Variants in MEIKIN observed in about 807,000 individuals in gnomAD.
MEIKIN encodes the protein meiosis-specific kinetochore protein.
chr5:131,872,496 T>A (rs189149697), intron 9 of MEIKIN, among the ~76,000 whole-genome samples: 1 of 152,204 alleles, frequency 6.6e-6, no homozygotes, highest in Non-Finnish European at 1.5e-5. Flanking sequence ...TATGTGACTA[T>A]GTGAAAAGAC....
chr5:131,903,932 G>A (rs1214332363), intron 8 of MEIKIN, among the ~76,000 whole-genome samples: 1 of 148,858 alleles, frequency 6.7e-6, no homozygotes, highest in Admixed American at 6.7e-5. Context: ...CAAAGTAAAG[G>A]GATGAAAAAA....
intron 11 of MEIKIN, among the ~76,000 whole-genome samples, chr5:131,840,308 C>T (rs1002938114): frequency 6.6e-6 from 1 of 152,092 alleles, no homozygotes; most frequent in Admixed American, 6.5e-5. Context: ...TCTTTCATTT[C>T]AACCTTGGAG....
At chr5:131,930,411 C>T (rs147800977) in intron 5 of MEIKIN, among the ~76,000 whole-genome samples, 125 of 152,236 alleles carry the variant, frequency 8.2e-4, no homozygotes, top group Non-Finnish European at 1.4e-3. Context: ...GCATAGTTTG[C>T]AAATATTTTC....
intron 8 of MEIKIN, among the ~76,000 whole-genome samples, chr5:131,893,679 C>T (rs559601420): frequency 2.6e-5 from 4 of 152,242 alleles, no homozygotes; most frequent in Non-Finnish European, 5.9e-5. Flanking sequence ...TCTTCTGCGT[C>T]GCTCATGCTG....
rs376213309 is a variant in MEIKIN at position 131,876,432 on chromosome 5, A to G, written c.774+2546T>C. Among the ~76,000 whole-genome samples, 1,131 of 148,254 alleles carry G rather than the reference A, an allele frequency of 7.6e-3. 16 individuals are homozygous for G. The highest frequency in any genetic ancestry group is 0.027 in the African/African-American group (1,033 of 38,130). ...ACTGGTCATCAGAGAAATGCAAATC[A>G]AAACCACAATGAGATACCATCTCAC... On this transcript the variant is annotated intron_variant, in intron 9 of 12. Coordinates refer to ENST00000442687, the MANE Select transcript of MEIKIN (RefSeq NM_001303622.2).
At chr5:131,836,424 T>C (rs572323817) in intron 11 of MEIKIN, among the ~76,000 whole-genome samples, 1 of 152,338 alleles carries the variant, frequency 6.6e-6, no homozygotes, top group African/African-American at 2.4e-5. Flanking sequence ...ATAATGAAAT[T>C]GCTGGGTCGA....
chr5:131,847,151 A>G (rs189194703), intron 11 of MEIKIN, among the ~76,000 whole-genome samples: 1 of 152,310 alleles, frequency 6.6e-6, no homozygotes, highest in Admixed American at 6.5e-5. Context: ...AGGACAAAAA[A>G]AGATAAAGGC....
chr5:131,854,812 C>A lies in MEIKIN; in HGVS notation c.797G>T (p.Gly266Val). The part of the protein sequence containing the change: ...KKKKTNSSTP[G>V]KKNRGLLTST... Reference sequence around the variant, plus strand: ...TGTTAAAAGGCCTCTGTTTTTCTTACCAGGAGTACTGGAATTTGTTTTCTA... The same window carrying A: ...TGTTAAAAGGCCTCTGTTTTTCTTAACAGGAGTACTGGAATTTGTTTTCTA... The change falls in exon 10 of 13, where the codon GGT (glycine) becomes GTT (valine). Residue 266 changes from glycine (G) to valine (V), a missense_variant. Coordinates refer to ENST00000442687, the MANE Select transcript of MEIKIN (RefSeq NM_001303622.2). The A allele has an allele frequency of 5.0e-6, 2 of 397,710 alleles. No homozygotes were observed. The highest frequency in any genetic ancestry group is 8.9e-6 in the Non-Finnish European group (2 of 225,504). 24.6% of individuals were successfully genotyped at this position (397,710 alleles called of 1,614,324 possible).
chr5:131,861,949 G>A (rs1252719570), intron 9 of MEIKIN, among the ~76,000 whole-genome samples: 1 of 152,148 alleles, frequency 6.6e-6, no homozygotes. Flanking sequence ...TGGAATCAGG[G>A]TAATGTTAGC....
intron 9 of MEIKIN, among the ~76,000 whole-genome samples, chr5:131,874,164 T>G (rs1352797381): frequency 2.0e-5 from 3 of 151,678 alleles, no homozygotes; most frequent in Admixed American, 2.0e-4. Context: ...CTGAAGGAAA[T>G]AGAGACACAA....
chr5:131,850,760 G>A (rs988823892), intron 11 of MEIKIN, among the ~76,000 whole-genome samples: 3 of 151,860 alleles, frequency 2.0e-5, no homozygotes, highest in Non-Finnish European at 2.9e-5. Context: ...GCACCATAAC[G>A]AAACCCAGTC....
chr5:131,889,316 C>G (rs890794379), intron 8 of MEIKIN, among the ~76,000 whole-genome samples: 6 of 152,190 alleles, frequency 3.9e-5, no homozygotes, highest in African/African-American at 1.4e-4. Flanking sequence ...TGGCCACTTT[C>G]ATGATATTGA....
intron 6 of MEIKIN, among the ~76,000 whole-genome samples, chr5:131,917,802 T>C (rs1456333596): frequency 6.6e-6 from 1 of 152,140 alleles, no homozygotes; most frequent in East Asian, 1.9e-4. Flanking sequence ...TTTTTAAATC[T>C]CACCAATTAA....
intron 4 of MEIKIN, among the ~76,000 whole-genome samples, chr5:131,938,744 CTG>C (rs1751824778): frequency 6.6e-6 from 1 of 152,120 alleles, no homozygotes; most frequent in Non-Finnish European, 1.5e-5. Context: ...ATTAATGAAA[CTG>C]TGGCTTTTTA....
At chr5:131,854,701 G>A (rs964630673) in intron 10 of MEIKIN, 53 bp downstream of exon 10, 11 of 396,922 alleles carry the variant, frequency 2.8e-5, no homozygotes, top group African/African-American at 1.8e-4. Context: ...AGAAGAATGG[G>A]GAGAGGAGGA....
At chr5:131,901,725 G>C (rs2149639191) in intron 8 of MEIKIN, among the ~76,000 whole-genome samples, 1 of 152,238 alleles carries the variant, frequency 6.6e-6, no homozygotes, top group African/African-American at 2.4e-5. Flanking sequence ...CAGAGGTCCT[G>C]AGCTGAGCCT....
intron 3 of MEIKIN, among the ~76,000 whole-genome samples, chr5:131,943,190 T>A (rs886169356): frequency 6.6e-6 from 1 of 152,092 alleles, no homozygotes; most frequent in Non-Finnish European, 1.5e-5. Flanking sequence ...AAATGGCCAA[T>A]AATTTGAGAA....
intron 9 of MEIKIN, among the ~76,000 whole-genome samples, chr5:131,857,628 C>G (rs1329917882): frequency 2.0e-5 from 3 of 152,210 alleles, no homozygotes; most frequent in African/African-American, 4.8e-5. Flanking sequence ...GACCATGCCT[C>G]ACCGTCAGAG....
At chr5:131,868,890 A>C (rs553974011) in intron 9 of MEIKIN, among the ~76,000 whole-genome samples, 2 of 152,258 alleles carry the variant, frequency 1.3e-5, no homozygotes, top group Non-Finnish European at 1.5e-5. Flanking sequence ...CTTTTATCAG[A>C]TATGTCTTTT....
Sources: gnomAD v4.1 joint callset for allele counts (sites outside exome capture counted in the v4.1 genomes callset) on GRCh38, gnomAD v4.1.1 for gene constraint, MANE v1.5 for transcripts, NCBI Gene and HGNC (gene_info 2026-07-23, HGNC 2026-07-21) for gene names.